PCDHA6: variants seen among roughly 807,000 people sequenced by gnomAD.
The protein encoded by PCDHA6 is protocadherin alpha-6.
In PCDHA6, 55 loss-of-function variants were observed where a neutral mutation model predicts 60.3. That is an observed-to-expected ratio of 0.91 (90% CI 0.73 to 1.14). The LOEUF (loss-of-function observed/expected upper bound fraction) is 1.14. PCDHA6 is among the 50% of genes most tolerant of loss of function. The probability of loss-of-function intolerance (pLI) is 0.00; values close to 1 mark genes in which losing one functional copy is unlikely to be tolerated. For synonymous variants in PCDHA6, 652 were observed against 557.9 expected (o/e 1.17, Z -2.38); for missense variants, 1,327 against 1,256.5 (o/e 1.06, Z -0.85).
chr5:140,869,450 T>C, intron 1 of PCDHA6: 1 of 1,614,098 alleles, frequency 6.2e-7, no homozygotes, highest in Non-Finnish European at 8.5e-7. Flanking sequence ...CCGCTGCAGG[T>C]TTTCCATGTG....
chr5:140,853,384 C>G, intron 1 of PCDHA6: 1 of 985,584 alleles, frequency 1.0e-6, no homozygotes, highest in African/African-American at 1.8e-5. Context: ...AAATTCAAAA[C>G]AGCCTGTCAA....
intron 3 of PCDHA6, among the ~76,000 whole-genome samples, chr5:140,986,070 A>G (rs1554247713): frequency 6.6e-6 from 1 of 152,126 alleles, no homozygotes; most frequent in African/African-American, 2.4e-5. Flanking sequence ...TTTTAAAGAA[A>G]CTGTTCATTT....
At chr5:140,950,778 G>C (rs537312607) in intron 1 of PCDHA6, among the ~76,000 whole-genome samples, 3 of 152,030 alleles carry the variant, frequency 2.0e-5, no homozygotes, top group Admixed American at 1.3e-4. Flanking sequence ...CATACATATG[G>C]TACTTTTTAA....
chr5:140,836,349 G>A (rs2150258385), intron 1 of PCDHA6: 52 of 1,613,592 alleles, frequency 3.2e-5, no homozygotes, highest in Non-Finnish European at 4.4e-5. Flanking sequence ...GGACCACGGG[G>A]AGCCCTCGCT....
chr5:140,853,006 G>A (rs1263540311), intron 1 of PCDHA6: 2 of 293,534 alleles, frequency 6.8e-6, no homozygotes, highest in Non-Finnish European at 1.1e-5. Flanking sequence ...AGCCTCCCGA[G>A]TAGCTGGGAC....
chr5:140,969,254 A>G (rs781854163), intron 1 of PCDHA6: 2 of 1,614,242 alleles, frequency 1.2e-6, no homozygotes, highest in Non-Finnish European at 1.7e-6. Context: ...GACTGACAGC[A>G]GGAATCTCAC....
At chr5:140,842,098 A>G (rs2150329282) in intron 1 of PCDHA6, 1 of 1,613,922 alleles carries the variant, frequency 6.2e-7, no homozygotes. Flanking sequence ...ACAACGGAAC[A>G]ACAGTTATCA....
chr5:140,845,922 T>C (rs2150382652), intron 1 of PCDHA6, among the ~76,000 whole-genome samples: 7 of 149,894 alleles, frequency 4.7e-5, no homozygotes, highest in African/African-American at 7.3e-5. Flanking sequence ...CTTATTTTTG[T>C]GTAAAACTAT....
chr5:140,857,746 G>C lies in PCDHA6; in HGVS notation c.2394+27261G>C. 5.0e-6 allele frequency: 8 copies of C among 1,597,368 alleles called. No homozygotes were observed. In the South Asian group the frequency reaches 8.8e-5, roughly 18 times the overall value. On this transcript the variant is annotated intron_variant, in intron 1 of 3. Coordinates refer to ENST00000529310, the MANE Select transcript of PCDHA6 (RefSeq NM_018909.4). ...ACGACAACGCTCCCGCGCTGCTGGC[G>C]TCTCCCGCTGGCAGCGCGGGCGGTG...
chr5:140,881,909 G>A (rs941994896), intron 1 of PCDHA6: 2 of 230,500 alleles, frequency 8.7e-6, no homozygotes, highest in Non-Finnish European at 1.7e-5. Context: ...AATATAAAAT[G>A]TTGAGCAGAA....
At chr5:140,928,830 TTCC>T in intron 1 of PCDHA6, 1 of 1,614,124 alleles carries the variant, frequency 6.2e-7, no homozygotes, top group Non-Finnish European at 8.5e-7. Flanking sequence ...ACCCACCACT[TTCC>T]TCCTCTGTCA....
intron 3 of PCDHA6, among the ~76,000 whole-genome samples, chr5:140,998,381 G>A (rs932010146): frequency 4.6e-5 from 7 of 152,144 alleles, no homozygotes; most frequent in Non-Finnish European, 2.9e-5. Flanking sequence ...TCTCTAGAAA[G>A]TTTAATGCCA....
At chr5:140,887,661 T>A (rs1322494406) in intron 1 of PCDHA6, among the ~76,000 whole-genome samples, 1 of 152,170 alleles carries the variant, frequency 6.6e-6, no homozygotes, top group African/African-American at 2.4e-5. Context: ...CTTGGATCTG[T>A]GGATTTATCA....
intron 1 of PCDHA6, among the ~76,000 whole-genome samples, chr5:140,872,956 T>C (rs2054003251): frequency 6.6e-6 from 1 of 152,228 alleles, no homozygotes; most frequent in Admixed American, 6.5e-5. Context: ...CCACGTAGTA[T>C]CATCCCATCT....
intron 1 of PCDHA6, among the ~76,000 whole-genome samples, chr5:140,918,027 G>A (rs782291548): frequency 8.5e-5 from 13 of 152,226 alleles, no homozygotes; most frequent in African/African-American, 1.9e-4. Context: ...ACCCATGAGC[G>A]TGGAAGGTCT....
intron 1 of PCDHA6, among the ~76,000 whole-genome samples, chr5:140,838,045 T>G (rs1554136763): frequency 1.3e-5 from 2 of 150,866 alleles, no homozygotes; most frequent in African/African-American, 2.4e-5. Flanking sequence ...TTTCTGCACT[T>G]TTTGGTTTTC....
chr5:140,856,683 C>T, intron 1 of PCDHA6: 1 of 1,597,480 alleles, frequency 6.3e-7, no homozygotes, highest in Non-Finnish European at 8.6e-7. Context: ...TTGTTGTTGA[C>T]AGCAACTGAT....
At chr5:140,897,378 C>T (rs992566047) in intron 1 of PCDHA6, among the ~76,000 whole-genome samples, 8 of 144,246 alleles carry the variant, frequency 5.5e-5, no homozygotes, top group Admixed American at 4.3e-4. Context: ...GTTCCCTTCC[C>T]CTTCCTGTGT....
intron 1 of PCDHA6, among the ~76,000 whole-genome samples, chr5:140,958,131 G>A (rs1164407997): frequency 3.9e-5 from 6 of 152,076 alleles, no homozygotes; most frequent in African/African-American, 1.4e-4. Context: ...AAATGTATCA[G>A]TGTGTATATT....
Sources: allele counts gnomAD v4.1 joint callset (sites outside exome capture counted in the v4.1 genomes callset), GRCh38; gene constraint gnomAD v4.1.1; transcripts MANE v1.5; gene names NCBI Gene and HGNC (gene_info 2026-07-23, HGNC 2026-07-21).